CCDC60: variants seen among roughly 807,000 people sequenced by gnomAD.
CCDC60 encodes the protein coiled-coil domain containing 60.
A neutral mutation model predicts 63.5 loss-of-function variants in CCDC60; 54 were observed. The observed-to-expected ratio is 0.85, with a 90% CI of 0.68 to 1.07. The LOEUF is 1.07. Among genes scored for constraint, CCDC60 ranks in the 50% least tolerant of loss-of-function variants. CCDC60 has a pLI of 0.00. For synonymous variants in CCDC60, 206 were observed against 238.8 expected, an observed-to-expected ratio of 0.86 and a Z score of 1.27; for missense variants, 651 against 684.3, an observed-to-expected ratio of 0.95 and a Z score of 0.54.
At chr12:119,353,759 C>G (rs1300929586) in intron 1 of CCDC60, among the ~76,000 whole-genome samples, 2 of 152,070 alleles carry the variant, frequency 1.3e-5, no homozygotes, top group South Asian at 2.1e-4. Context: ...AGGTGCCCAC[C>G]ACCACACCCA....
Position 119,430,444 on chromosome 12 carries a change from A to G in CCDC60, c.170+1682A>G, listed in dbSNP as rs546183086. Among the ~76,000 whole-genome samples the G allele has an allele frequency of 5.3e-5, 8 of 152,250 alleles. No homozygotes were observed. In the East Asian group the frequency reaches 1.5e-3, roughly 29 times the overall value. ...CACTTTGGGAGGCCAAGGCAGGCGGATCACAAGGTCAGGAAATCGAGACCA... is the reference window on the plus strand; with the variant it reads ...CACTTTGGGAGGCCAAGGCAGGCGGGTCACAAGGTCAGGAAATCGAGACCA... On this transcript the variant is annotated intron_variant, in intron 2 of 13. Transcript: ENST00000327554.
At chr12:119,345,231 C>G (rs1039546204) in intron 1 of CCDC60, among the ~76,000 whole-genome samples, 3 of 152,126 alleles carry the variant, frequency 2.0e-5, no homozygotes, top group Non-Finnish European at 2.9e-5. Context: ...AGGCTGGGCA[C>G]GGTGGCTCAT....
chr12:119,366,056 C>T (rs1023090961), intron 1 of CCDC60, among the ~76,000 whole-genome samples: 1 of 152,126 alleles, frequency 6.6e-6, no homozygotes, highest in Non-Finnish European at 1.5e-5. Flanking sequence ...TATAAATAGA[C>T]AGATAGATAT....
chr12:119,470,517 A>G (rs1419963324), intron 2 of CCDC60, among the ~76,000 whole-genome samples: 2 of 152,180 alleles, frequency 1.3e-5, no homozygotes, highest in Non-Finnish European at 2.9e-5. Flanking sequence ...GCATATTCCC[A>G]ATGGACATTT....
intron 7 of CCDC60, among the ~76,000 whole-genome samples, chr12:119,511,494 C>T (rs1170863411): frequency 6.6e-6 from 1 of 152,156 alleles, no homozygotes. Flanking sequence ...GAGAAACTCA[C>T]TTAAATAATA....
chr12:119,394,429 C>T (rs1956213979), intron 1 of CCDC60, among the ~76,000 whole-genome samples: 1 of 152,230 alleles, frequency 6.6e-6, no homozygotes, highest in Admixed American at 6.5e-5. Flanking sequence ...ACATGCTTAG[C>T]GTCCACCCAC....
intron 1 of CCDC60, among the ~76,000 whole-genome samples, chr12:119,364,725 C>T (rs765697528): frequency 1.5e-4 from 23 of 152,174 alleles, no homozygotes; most frequent in Non-Finnish European, 2.6e-4. Flanking sequence ...GCACAGACTC[C>T]GCTGGGAACA....
At chr12:119,398,481 C>G (rs1016144838) in intron 1 of CCDC60, among the ~76,000 whole-genome samples, 1 of 152,212 alleles carries the variant, frequency 6.6e-6, no homozygotes, top group Non-Finnish European at 1.5e-5. Context: ...CTGAGAGGGG[C>G]TCCCACAGTG....
At position 119,490,278 on chromosome 12, in the gene CCDC60, G is replaced by C. The variant is rs370630662; in HGVS notation, c.557+1412G>C. Among the ~76,000 whole-genome samples, 30 of 152,142 alleles carry C rather than the reference G, an allele frequency of 2.0e-4. No homozygotes were observed. The South Asian group carries it at 6.0e-3, about 30-fold the overall frequency. ...CCAATCAATTCAGTGTTTTTGGTTGGGATAATTTTAAAACTACAGTCTCTT... is the reference window on the plus strand; with the variant it reads ...CCAATCAATTCAGTGTTTTTGGTTGCGATAATTTTAAAACTACAGTCTCTT... On this transcript the variant is annotated intron_variant, in intron 5 of 13. Coordinates refer to ENST00000327554, the MANE Select transcript of CCDC60 (RefSeq NM_178499.5).
chr12:119,516,570 T>G (rs145335959), intron 7 of CCDC60, 53 bp from the exon 8 acceptor site: 3 of 1,304,270 alleles, frequency 2.3e-6, no homozygotes, highest in Non-Finnish European at 3.3e-6. Flanking sequence ...TTCTGCACAA[T>G]CCTGTCTCAG....
At chr12:119,495,289 G>A (rs992714486) in intron 5 of CCDC60, among the ~76,000 whole-genome samples, 1 of 152,018 alleles carries the variant, frequency 6.6e-6, no homozygotes, top group South Asian at 2.1e-4. Context: ...CTGATGCCCC[G>A]CCTCGAAGAA....
intron 1 of CCDC60, among the ~76,000 whole-genome samples, chr12:119,423,460 C>T (rs990350827): frequency 6.6e-6 from 1 of 152,204 alleles, no homozygotes; most frequent in Admixed American, 6.5e-5. Flanking sequence ...CCCAGGGGCC[C>T]TTGCAGCTGG....
chr12:119,403,420 C>T (rs1956429672), intron 1 of CCDC60, among the ~76,000 whole-genome samples: 1 of 152,146 alleles, frequency 6.6e-6, no homozygotes, highest in Admixed American at 6.5e-5. Context: ...CTGCAGATTT[C>T]CTGGGCTTGG....
intron 2 of CCDC60, among the ~76,000 whole-genome samples, chr12:119,446,386 C>A (rs1950542498): frequency 6.6e-6 from 1 of 152,138 alleles, no homozygotes; most frequent in African/African-American, 2.4e-5. Flanking sequence ...GCAAGACTGC[C>A]CTTTTGCACA....
At chr12:119,532,868 C>T (rs1952894916) in intron 13 of CCDC60, among the ~76,000 whole-genome samples, 3 of 152,120 alleles carry the variant, frequency 2.0e-5, no homozygotes, top group Admixed American at 2.0e-4. Context: ...AATAGTGCTG[C>T]AGTAAACATA....
intron 1 of CCDC60, among the ~76,000 whole-genome samples, chr12:119,350,053 G>A (rs12818542): frequency 0.095 from 14,509 of 152,210 alleles, 1,441 homozygotes; most frequent in East Asian, 0.54. Context: ...CCCTCAAGGA[G>A]AAGAGTGGTC....
intron 1 of CCDC60, among the ~76,000 whole-genome samples, chr12:119,344,822 CTCTCTCTCTCTCTT>C (rs1427758731): frequency 7.1e-6 from 1 of 141,824 alleles, no homozygotes; most frequent in African/African-American, 2.6e-5. Flanking sequence ...AACATTCTCT[CTCTCTCTCTCTCTT>C]TCTCTCTCTC....
intron 10 of CCDC60, 104 bp from the exon 11 acceptor site, chr12:119,523,589 C>CCATGCAGAG: frequency 6.5e-7 from 1 of 1,527,006 alleles, no homozygotes; most frequent in Non-Finnish European, 8.8e-7. Context: ...AGGGAGTCCC[C>CCATGCAGAG]CATGCAGAGC....
chr12:119,356,312 G>A (rs1320135572), intron 1 of CCDC60, among the ~76,000 whole-genome samples: 2 of 152,078 alleles, frequency 1.3e-5, no homozygotes, highest in African/African-American at 4.8e-5. Context: ...CCTAGGTACT[G>A]CACCTTTTGC....
Sources: gnomAD v4.1 joint callset for allele counts (sites outside exome capture counted in the v4.1 genomes callset) on GRCh38, gnomAD v4.1.1 for gene constraint, MANE v1.5 for transcripts, NCBI Gene and HGNC (gene_info 2026-07-23, HGNC 2026-07-21) for gene names.